ROR2: variants seen among roughly 807,000 people sequenced by gnomAD.
ROR2 encodes the protein ROR family WNT receptor 2.
ROR2 carries 33 observed loss-of-function variants against 74.9 expected under a neutral mutation model. That is an observed-to-expected ratio of 0.44 (90% confidence interval 0.33 to 0.59). The LOEUF is 0.59. Among genes scored for constraint, ROR2 ranks in the 20% least tolerant of loss-of-function variants. The pLI, the probability that ROR2 is intolerant of heterozygous loss-of-function variation, is 0.02. For missense variants in ROR2, 1,216 were observed against 1,313.8 expected (o/e 0.93, Z 1.15); for synonymous variants, 586 against 558.7 (o/e 1.05, Z -0.69).
intron 4 of ROR2, among the ~76,000 whole-genome samples, chr9:91,743,680 A>G (rs1310870239): frequency 1.3e-5 from 2 of 152,208 alleles, no homozygotes; most frequent in African/African-American, 4.8e-5. Context: ...AAAAGGGGCA[A>G]CGTCCTCCTC....
rs533567899 is a variant in ROR2 at position 91,938,175 on chromosome 9, T to C, written c.97+11692A>G. Among the ~76,000 whole-genome samples the C allele has an allele frequency of 3.9e-5, 6 of 152,324 alleles. No individual in the cohort carries two copies. In the East Asian group the frequency reaches 1.2e-3, roughly 29 times the overall value. On this transcript the variant is annotated intron_variant, in intron 1 of 8. Coordinates refer to ENST00000375708, the MANE Select transcript of ROR2 (RefSeq NM_004560.4). ...ATATTTGGGTATTTTAAGATCTTAT[T>C]CCAGGCCAATCACAGTGGCACACCT...
chr9:91,760,624 A>G (rs1297857633), intron 2 of ROR2, among the ~76,000 whole-genome samples: 1 of 146,600 alleles, frequency 6.8e-6, no homozygotes, highest in African/African-American at 2.5e-5. Context: ...ACAGAGCGAG[A>G]CTCTGTCTCA....
chr9:91,731,993 A>G (rs938284476), intron 6 of ROR2, among the ~76,000 whole-genome samples: 2 of 152,126 alleles, frequency 1.3e-5, no homozygotes, highest in African/African-American at 4.8e-5. Context: ...ACGGGTTAGT[A>G]CTGGTGTCAT....
intron 1 of ROR2, among the ~76,000 whole-genome samples, chr9:91,784,968 G>A (rs1335051088): frequency 6.6e-6 from 1 of 152,136 alleles, no homozygotes; most frequent in Non-Finnish European, 1.5e-5. Context: ...TTGCTCATTA[G>A]GTGGATGAAT....
Position 91,726,751 on chromosome 9 carries a change from C to CA in ROR2, c.1184-9dup. ...TGCTGCTGTCTCGGGGACCTGTGAA[C>CA]AATAAGGCTTTCGTGATTTTTCAGA... On this transcript the variant is annotated splice_polypyrimidine_tract_variant and intron_variant, in intron 7 of 8. Transcript: ENST00000375708. 9 of 1,613,744 alleles carry CA rather than the reference C, an allele frequency of 5.6e-6. No homozygotes were observed. Among genetic ancestry groups the CA allele is most frequent in the African/African-American group, 1.3e-5 (1 of 75,040 alleles).
intron 1 of ROR2, among the ~76,000 whole-genome samples, chr9:91,897,763 G>A (rs1042468293): frequency 2.6e-5 from 4 of 152,170 alleles, no homozygotes; most frequent in Admixed American, 1.3e-4. Context: ...ACACTCAAGA[G>A]AAATAAGTGG....
chr9:91,941,403 C>G (rs1348561363), intron 1 of ROR2, among the ~76,000 whole-genome samples: 2 of 152,216 alleles, frequency 1.3e-5, no homozygotes, highest in Non-Finnish European at 2.9e-5. Context: ...GTCACTCTTG[C>G]CCCATGGGCT....
chr9:91,863,207 G>A (rs1460810342), intron 1 of ROR2, among the ~76,000 whole-genome samples: 1 of 152,176 alleles, frequency 6.6e-6, no homozygotes, highest in Non-Finnish European at 1.5e-5. Context: ...TTTTTCTTCT[G>A]TGGAGACAGG....
chr9:91,862,172 A>G (rs892045408), intron 1 of ROR2, among the ~76,000 whole-genome samples: 1 of 151,690 alleles, frequency 6.6e-6, no homozygotes, highest in African/African-American at 2.4e-5. Context: ...AAATACAAAG[A>G]AAAAAAAATT....
chr9:91,788,397 C>T lies in ROR2; in HGVS notation c.98-12579G>A, dbSNP rs545291510. Reference sequence around the variant, plus strand: ...AGTTGGATAAACTCTAAGATATCCACGACCAGGCACATCATAGACTGTTGA... The same window carrying T: ...AGTTGGATAAACTCTAAGATATCCATGACCAGGCACATCATAGACTGTTGA... On this transcript the variant is annotated intron_variant, in intron 1 of 8. Transcript: ENST00000375708. 1.1e-4 allele frequency among the ~76,000 whole-genome samples: 17 copies of T among 152,220 alleles called. No individual in the cohort carries two copies. The South Asian group carries it at 1.5e-3, about 13-fold the overall frequency.
At chr9:91,841,542 G>GT (rs1349325105) in intron 1 of ROR2, among the ~76,000 whole-genome samples, 1 of 152,240 alleles carries the variant, frequency 6.6e-6, no homozygotes, top group East Asian at 1.9e-4. Context: ...AGGTGATAAT[G>GT]TTTTAAATCT....
At chr9:91,904,013 C>T (rs1456636782) in intron 1 of ROR2, among the ~76,000 whole-genome samples, 1 of 149,956 alleles carries the variant, frequency 6.7e-6, no homozygotes, top group Non-Finnish European at 1.5e-5. Flanking sequence ...ACAGGTCATC[C>T]TTTTTTTTGA....
At chr9:91,859,598 G>A (rs537114665) in intron 1 of ROR2, among the ~76,000 whole-genome samples, 131 of 152,190 alleles carry the variant, frequency 8.6e-4, no homozygotes, top group African/African-American at 2.9e-3. Flanking sequence ...AGAGGCAGGC[G>A]GATCACCAGA....
intron 1 of ROR2, among the ~76,000 whole-genome samples, chr9:91,785,373 A>G (rs1470133229): frequency 1.3e-5 from 2 of 152,174 alleles, no homozygotes; most frequent in Non-Finnish European, 2.9e-5. Flanking sequence ...CCCTACTCTC[A>G]GACTGCTGTC....
intron 4 of ROR2, among the ~76,000 whole-genome samples, chr9:91,742,434 CAGA>C (rs1825284639): frequency 1.3e-5 from 2 of 152,108 alleles, no homozygotes; most frequent in South Asian, 4.1e-4. Context: ...GTGGAAAACA[CAGA>C]AGAAGGTGTA....
chr9:91,884,417 C>G (rs1830213109), intron 1 of ROR2, among the ~76,000 whole-genome samples: 1 of 150,122 alleles, frequency 6.7e-6, no homozygotes, highest in Admixed American at 6.7e-5. Context: ...TCAGGCATGA[C>G]TTGTCTAATT....
At chr9:91,824,759 C>G (rs546656193) in intron 1 of ROR2, among the ~76,000 whole-genome samples, 2 of 152,312 alleles carry the variant, frequency 1.3e-5, no homozygotes, top group Non-Finnish European at 2.9e-5. Flanking sequence ...ACACACAGCT[C>G]TCCCAGGCGG....
At chr9:91,726,486 C>T in intron 8 of ROR2, 55 bp downstream of exon 8, 1 of 1,486,446 alleles carries the variant, frequency 6.7e-7, no homozygotes, top group Non-Finnish European at 9.3e-7. Flanking sequence ...GGAAACAACC[C>T]CTGAGGATTA....
intron 1 of ROR2, among the ~76,000 whole-genome samples, chr9:91,818,763 T>C (rs937415246): frequency 5.2e-4 from 79 of 151,980 alleles, no homozygotes; most frequent in Non-Finnish European, 7.4e-5. Flanking sequence ...GAGATGGAAA[T>C]ACCAATGGCG....
Sources: allele counts gnomAD v4.1 joint callset (sites outside exome capture counted in the v4.1 genomes callset), GRCh38; gene constraint gnomAD v4.1.1; transcripts MANE v1.5; gene names NCBI Gene and HGNC (gene_info 2026-07-23, HGNC 2026-07-21).